Variants in PKHD1 observed in about 807,000 individuals in gnomAD.
PKHD1 encodes fibrocystin.
A neutral mutation model predicts 412.0 loss-of-function variants in PKHD1; 291 were observed. That is an observed-to-expected ratio of 0.71 (90% CI 0.64 to 0.78). The LOEUF is 0.78. Among genes scored for constraint, PKHD1 ranks in the 30% least tolerant of loss-of-function variants. The pLI is 0.00. For synonymous variants in PKHD1, 1,777 were observed against 1,821.5 expected (o/e 0.98, Z 0.62); for missense variants, 4,825 against 4,950.7 (o/e 0.97, Z 0.76).
Position 51,983,090 on chromosome 6 carries a change from G to A in PKHD1, c.5752-23064C>T, listed in dbSNP as rs573293779. Among the ~76,000 whole-genome samples, 96 of 152,168 alleles carry A rather than the reference G, an allele frequency of 6.3e-4. 1 individual carries two copies. The highest frequency in any genetic ancestry group is 2.2e-3 in the African/African-American group (91 of 41,554). On this transcript the variant is annotated intron_variant, in intron 35 of 66. Transcript: ENST00000371117. ...CCAAAATCAAAAGGAAGTCCAAGTCGTTGTCAAATTTGTAATTGGTAGCTC... is the reference window on the plus strand; with the variant it reads ...CCAAAATCAAAAGGAAGTCCAAGTCATTGTCAAATTTGTAATTGGTAGCTC...
chr6:51,985,533 C>T (rs1045969192), intron 35 of PKHD1, among the ~76,000 whole-genome samples: 9 of 152,084 alleles, frequency 5.9e-5, no homozygotes, highest in East Asian at 1.9e-4. Flanking sequence ...GTTCGAGACC[C>T]ACCTGGCCAA....
At chr6:51,661,356 A>C (rs755205064) in intron 60 of PKHD1, among the ~76,000 whole-genome samples, 7 of 152,132 alleles carry the variant, frequency 4.6e-5, no homozygotes, top group Non-Finnish European at 1.0e-4. Flanking sequence ...AGGGTATAAG[A>C]GAAGGGGTAG....
chr6:52,066,727 C>G (rs1178941833), intron 11 of PKHD1, among the ~76,000 whole-genome samples: 2 of 152,064 alleles, frequency 1.3e-5, no homozygotes, highest in Non-Finnish European at 2.9e-5. Flanking sequence ...TGGTGAAACC[C>G]TGTCTCTTCT....
intron 35 of PKHD1, among the ~76,000 whole-genome samples, 182 bp downstream of exon 35, chr6:52,010,127 T>C (rs1263480191): frequency 6.6e-6 from 1 of 152,204 alleles, no homozygotes; most frequent in Non-Finnish European, 1.5e-5. Context: ...TGAGAAAATA[T>C]ATGATTAACC....
intron 60 of PKHD1, among the ~76,000 whole-genome samples, chr6:51,703,219 A>C (rs1259816549): frequency 6.6e-6 from 1 of 152,016 alleles, no homozygotes; most frequent in Non-Finnish European, 1.5e-5. Context: ...CTGGGCCTTC[A>C]GAGTGTCTAA....
At chr6:51,921,664 C>A (rs1561885366) in intron 37 of PKHD1, among the ~76,000 whole-genome samples, 2 of 152,294 alleles carry the variant, frequency 1.3e-5, no homozygotes, top group East Asian at 3.9e-4. Context: ...CTTCTCACTT[C>A]ATATCATTCG....
chr6:52,073,571 T>C (rs1810943802), intron 6 of PKHD1, 30 bp from the exon 7 acceptor site: 1 of 1,261,650 alleles, frequency 7.9e-7, no homozygotes, highest in East Asian at 2.3e-5. Flanking sequence ...TTTAATTTAA[T>C]GGACTTAGCT....
intron 35 of PKHD1, among the ~76,000 whole-genome samples, chr6:52,006,249 A>T (rs1799027649): frequency 6.6e-6 from 1 of 151,626 alleles, no homozygotes; most frequent in Non-Finnish European, 1.5e-5. Flanking sequence ...ATCTTAGCTT[A>T]CTGCAACCTC....
At chr6:51,815,888 T>C (rs1026501687) in intron 52 of PKHD1, among the ~76,000 whole-genome samples, 26 of 152,228 alleles carry the variant, frequency 1.7e-4, no homozygotes, top group African/African-American at 6.3e-4. Flanking sequence ...AATTTCTCAC[T>C]TTATATTTTG....
In PKHD1 at chr6:51,744,404, AG is replaced by A. The variant is rs765209037; in HGVS notation, c.10136del (p.Thr3379MetfsTer21). 4 of 1,613,884 alleles carry A rather than the reference AG, an allele frequency of 2.5e-6. No individual in the cohort carries two copies. The highest frequency in any genetic ancestry group is 3.4e-6 in the Non-Finnish European group (4 of 1,179,872). On this transcript the variant is annotated frameshift_variant, in exon 60 of 67. Coordinates refer to ENST00000371117, the MANE Select transcript of PKHD1 (RefSeq NM_138694.4). LOFTEE classifies it high-confidence loss of function. ...SVFPKTEAEW[T>X]ASFFNAGTFR... ...GCTTACCTGCGTTGAAGAAGGATGC[AG>A]TCCATTCTGCCTCTGTTTTAGGAAA...
In PKHD1 at chr6:51,847,844, G is replaced by T. The variant is rs543208820; in HGVS notation, c.8038C>A (p.Pro2680Thr). Reference protein sequence around the residue: ...SRVGLSFPFLPSPGQNQGCDW... With the variant: ...SRVGLSFPFLTSPGQNQGCDW... ...CAGCCTTGGTTCTGACCTGGTGATG[G>T]AAGAAATGGAAAAGACAGACCCACT... Residue 2680 changes from proline to threonine, a missense_variant, in exon 50 of 67, where the codon CCA becomes ACA. Physicochemically the swap from Pro to Thr is conservative, Grantham distance 38. Coordinates refer to ENST00000371117, the MANE Select transcript of PKHD1 (RefSeq NM_138694.4). The T allele has an allele frequency of 1.9e-6, 3 of 1,614,016 alleles. No homozygotes were observed. Among genetic ancestry groups the T allele is most frequent in the Admixed American group, 3.3e-5 (2 of 60,022 alleles).
At chr6:51,952,662 G>T (rs752706116) in intron 36 of PKHD1, among the ~76,000 whole-genome samples, 2 of 152,024 alleles carry the variant, frequency 1.3e-5, no homozygotes, top group African/African-American at 2.4e-5. Context: ...TATCAGCAAA[G>T]TTCCCCTCCC....
Position 51,868,003 on chromosome 6 carries a change from C to G in PKHD1, c.7593G>C (p.Leu2531=), listed in dbSNP as rs773279567. 1.2e-6 allele frequency: 2 copies of G among 1,613,208 alleles called. No individual in the cohort carries two copies. The highest frequency in any genetic ancestry group is 2.7e-5 in the African/African-American group (2 of 74,882). Residue 2531 remains leucine, a synonymous_variant, in exon 48 of 67, where the codon CTG becomes CTC. Transcript: ENST00000371117. ...GAATGTGACTTCTGTTTTTCCCAGACAGAGACCCATCCAAGTCTTCCAAAA... is the reference window on the plus strand; with the variant it reads ...GAATGTGACTTCTGTTTTTCCCAGAGAGAGACCCATCCAAGTCTTCCAAAA... The part of the protein sequence containing the change: ...AAILEDLDGS[L]SGKNRSHILA...
At chr6:52,076,439 T>A in intron 5 of PKHD1, 106 bp from the exon 6 acceptor site, 1 of 797,306 alleles carries the variant, frequency 1.3e-6, no homozygotes, top group Non-Finnish European at 2.2e-6. Context: ...AATAAATGCT[T>A]ATATTTACTC....
At chr6:52,005,687 C>T (rs1798961272) in intron 35 of PKHD1, among the ~76,000 whole-genome samples, 1 of 152,090 alleles carries the variant, frequency 6.6e-6, no homozygotes, top group Non-Finnish European at 1.5e-5. Context: ...GGCAGCAGGA[C>T]AGATGCCAGC....
At chr6:51,738,607 C>T (rs536726828) in intron 60 of PKHD1, among the ~76,000 whole-genome samples, 1 of 152,282 alleles carries the variant, frequency 6.6e-6, no homozygotes, top group East Asian at 1.9e-4. Context: ...AGTATCAAAA[C>T]ATCATGCTGT....
rs1395305688 is a variant in PKHD1 at position 52,032,880 on chromosome 6, CG to C, written c.3364+149del. On this transcript the variant is annotated intron_variant, in intron 29 of 66. Transcript: ENST00000371117. The stretch of plus-strand genomic sequence containing the variant: ...AAAAGTAGATATCAGGAGATTGATT[CG>C]ATGATGGCTAAGATGAAAAAAGCAA... 3.1e-5 allele frequency: 22 copies of C among 714,048 alleles called. No individual in the cohort carries two copies. In the African/African-American group the frequency reaches 3.7e-4, roughly 12 times the overall value. The allele number at this position is 714,048 out of a possible 1,614,324, so 44.2% of individuals were successfully genotyped here.
intron 63 of PKHD1, among the ~76,000 whole-genome samples, chr6:51,639,543 A>G (rs1394153645): frequency 2.0e-5 from 3 of 152,056 alleles, no homozygotes; most frequent in African/African-American, 2.4e-5. Context: ...TGATTTAGCA[A>G]CTTGAATTGC....
At chr6:51,767,419 G>C (rs930096193) in intron 55 of PKHD1, among the ~76,000 whole-genome samples, 5 of 152,070 alleles carry the variant, frequency 3.3e-5, no homozygotes, top group Non-Finnish European at 7.4e-5. Context: ...CATGTGCCAT[G>C]TTGGTATGCT....
Sources: allele counts gnomAD v4.1 joint callset (sites outside exome capture counted in the v4.1 genomes callset), GRCh38; gene constraint gnomAD v4.1.1; transcripts MANE v1.5; gene names NCBI Gene and HGNC (gene_info 2026-07-23, HGNC 2026-07-21).